FAAH2: variants seen among roughly 807,000 people sequenced by gnomAD.
FAAH2 encodes fatty acid amide hydrolase 2, also known as fatty-acid amide hydrolase 2.
Under a neutral mutation model 36.9 loss-of-function variants are expected in FAAH2, and 60 were observed. That is an observed-to-expected ratio of 1.63 (90% CI 1.32 to 2.02). The LOEUF is 2.02. Ranked by LOEUF, FAAH2 falls within the 30% of genes most tolerant of loss-of-function variation. The probability of loss-of-function intolerance (pLI) is 0.00; values close to 1 mark genes in which losing one functional copy is unlikely to be tolerated. For missense variants in FAAH2, 689 were observed against 397.5 expected (o/e 1.73, Z -6.23); for synonymous variants, 214 against 143.8 (o/e 1.49, Z -3.49).
the FAAH2 span, among the ~76,000 whole-genome samples, chrX:57,234,614 C>G: frequency 9.0e-6 from 1 of 111,481 alleles, no homozygotes. Flanking sequence ...ATCAGGCATC[C>G]AATTCTCATA....
the FAAH2 span, among the ~76,000 whole-genome samples, chrX:57,209,874 C>T: frequency 4.5e-5 from 5 of 110,376 alleles, no homozygotes; most frequent in East Asian, 1.1e-3. Flanking sequence ...CTGGTATTGG[C>T]GAGTCCCCTC....
intron 8 of FAAH2, among the ~76,000 whole-genome samples, chrX:57,439,352 G>C (rs1569345799): frequency 8.9e-6 from 1 of 111,896 alleles, no homozygotes; most frequent in Non-Finnish European, 1.9e-5. Flanking sequence ...CTGATGGCCA[G>C]TGATGATGAG....
chrX:57,470,648 A>T (rs2057059110), intron 10 of FAAH2, among the ~76,000 whole-genome samples: 1 of 111,448 alleles, frequency 9.0e-6, no homozygotes, highest in Non-Finnish European at 1.9e-5. Context: ...ATGGACTCGC[A>T]GCCAAATTCT....
intron 2 of FAAH2, among the ~76,000 whole-genome samples, chrX:57,304,769 C>A (rs1016070976): frequency 9.0e-6 from 1 of 111,430 alleles, no homozygotes; most frequent in Non-Finnish European, 1.9e-5. Flanking sequence ...TTGAGTGAGT[C>A]CTTAACCTCT....
the FAAH2 span, among the ~76,000 whole-genome samples, chrX:57,200,157 C>CT: frequency 9.2e-6 from 1 of 108,584 alleles, no homozygotes; most frequent in Admixed American, 9.9e-5. Flanking sequence ...TCTCTTCCTT[C>CT]TTTTTTCTTT....
chrX:57,402,826 G>A (rs1348583755), intron 7 of FAAH2, among the ~76,000 whole-genome samples: 3 of 112,126 alleles, frequency 2.7e-5, no homozygotes, highest in Admixed American at 1.9e-4. Flanking sequence ...GGTCTACACT[G>A]GGAACTGCCT....
chrX:57,127,165 A>G, the FAAH2 span: 1 of 111,214 alleles, frequency 9.0e-6, no homozygotes, highest in Non-Finnish European at 1.9e-5. Context: ...ATGATATAGT[A>G]TCCCTAGACA....
At chrX:57,461,037 G>T (rs998214538) in intron 10 of FAAH2, among the ~76,000 whole-genome samples, 1 of 110,029 alleles carries the variant, frequency 9.1e-6, no homozygotes, top group Non-Finnish European at 1.9e-5. Context: ...AACCAACAAT[G>T]ACCAAAAAAG....
chrX:57,204,595 C>G, the FAAH2 span, among the ~76,000 whole-genome samples: 1 of 112,027 alleles, frequency 8.9e-6, no homozygotes, highest in African/African-American at 3.2e-5. Flanking sequence ...AGCATAACCT[C>G]TACCCCAATT....
intron 10 of FAAH2, among the ~76,000 whole-genome samples, chrX:57,450,138 T>G (rs2056758012): frequency 9.0e-6 from 1 of 111,184 alleles, no homozygotes; most frequent in African/African-American, 3.3e-5. Flanking sequence ...AGCTTGAGGC[T>G]TCCTATGGTT....
chrX:57,221,569 C>T, the FAAH2 span, among the ~76,000 whole-genome samples: 11 of 111,216 alleles, frequency 9.9e-5, no homozygotes, highest in South Asian at 7.6e-4. Flanking sequence ...ACCAGTTCTA[C>T]CTGTGAAAAA....
chrX:57,383,094 G>C (rs1049497145), intron 7 of FAAH2, among the ~76,000 whole-genome samples: 8 of 111,666 alleles, frequency 7.2e-5, no homozygotes, highest in African/African-American at 2.6e-4. Context: ...TATCTCAATA[G>C]ATGCAGAAAA....
chrX:57,344,574 T>C lies in FAAH2; in HGVS notation c.742+3184T>C, dbSNP rs184244622. On this transcript the variant is annotated intron_variant, in intron 5 of 10. Coordinates refer to ENST00000374900, the MANE Select transcript of FAAH2 (RefSeq NM_174912.4). Reference sequence around the variant, plus strand: ...GTCTTTGTCCTATTTGAATGCCCTTTATTTCTTTCTCATGCCTAAATGCTC... The same window carrying C: ...GTCTTTGTCCTATTTGAATGCCCTTCATTTCTTTCTCATGCCTAAATGCTC... Among the ~76,000 whole-genome samples the C allele has an allele frequency of 4.3e-4, 48 of 111,399 alleles. No homozygotes were observed. The East Asian group carries it at 0.013, about 31-fold the overall frequency.
chrX:57,258,775 C>G, the FAAH2 span, among the ~76,000 whole-genome samples: 1 of 105,556 alleles, frequency 9.5e-6, no homozygotes, highest in Non-Finnish European at 1.9e-5. Context: ...GTGGCGCTAC[C>G]TAGGCTCGCT....
chrX:57,295,497 G>A (rs1012931402), intron 2 of FAAH2, among the ~76,000 whole-genome samples: 2 of 112,050 alleles, frequency 1.8e-5, no homozygotes, highest in Admixed American at 9.4e-5. Context: ...TGGCCGAATA[G>A]GAACAACTCC....
At chrX:57,420,233 TAG>T (rs2055977290) in intron 7 of FAAH2, among the ~76,000 whole-genome samples, 1 of 85,134 alleles carries the variant, frequency 1.2e-5, no homozygotes, top group Admixed American at 1.3e-4. Flanking sequence ...AACTTTAAAG[TAG>T]TTTTTTTCCA....
At chrX:57,443,491 T>C (rs917236206) in intron 8 of FAAH2, among the ~76,000 whole-genome samples, 2 of 112,284 alleles carry the variant, frequency 1.8e-5, no homozygotes, top group African/African-American at 6.5e-5. Context: ...ACACCTGTTA[T>C]TCTAGTTTAC....
At chrX:57,341,688 C>A (rs751318129) in intron 5 of FAAH2, among the ~76,000 whole-genome samples, 1 of 109,644 alleles carries the variant, frequency 9.1e-6, no homozygotes, top group South Asian at 3.9e-4. Context: ...TTAAATAAAC[C>A]GGCTCCAAAT....
At chrX:57,433,356 C>T (rs1467894709) in intron 8 of FAAH2, among the ~76,000 whole-genome samples, 5 of 111,275 alleles carry the variant, frequency 4.5e-5, no homozygotes, top group Non-Finnish European at 9.4e-5. Flanking sequence ...GTGGTCATAA[C>T]CACTTTACCA....
Sources: allele counts gnomAD v4.1 joint callset (sites outside exome capture counted in the v4.1 genomes callset), GRCh38; gene constraint gnomAD v4.1.1; transcripts MANE v1.5; gene names NCBI Gene and HGNC (gene_info 2026-07-23, HGNC 2026-07-21).